Variants in ZNF532 observed in about 807,000 individuals in gnomAD.
The protein encoded by ZNF532 is zinc finger protein 532.
ZNF532 carries 22 observed loss-of-function variants against 89.3 expected under a neutral mutation model. That is an observed-to-expected ratio of 0.25 (90% confidence interval 0.18 to 0.35). ZNF532 has a LOEUF of 0.35. Among genes scored for constraint, ZNF532 ranks in the 10% least tolerant of loss-of-function variants. ZNF532 has a pLI of 1.00. For missense variants in ZNF532, 1,132 were observed against 1,643.4 expected, an observed-to-expected ratio of 0.69 and a Z score of 5.38; for synonymous variants, 606 against 649.6, an observed-to-expected ratio of 0.93 and a Z score of 1.02.
rs1002246817 is a variant in ZNF532 at position 58,978,194 on chromosome 18, C to G, written c.3151-861C>G. Among the ~76,000 whole-genome samples, 3 of 152,190 alleles carry G rather than the reference C, an allele frequency of 2.0e-5. 1 individual carries two copies. Among genetic ancestry groups the G allele is most frequent in the Non-Finnish European group, 4.4e-5 (3 of 68,030 alleles). ...GACAGTGTTTGCTGTCTCTCTCTCT[C>G]TCATCCCCTAAGTATACCAGCAGGC... On this transcript the variant is annotated intron_variant, in intron 7 of 9. Transcript: ENST00000591808.
chr18:58,946,291 GT>G (rs58395180), intron 5 of ZNF532, among the ~76,000 whole-genome samples: 50,372 of 116,244 alleles, frequency 0.43, 8,014 homozygotes, highest in African/African-American at 0.5. Flanking sequence ...TCTTCATATA[GT>G]TTTTTTTTTT....
chr18:58,883,433 T>G lies in ZNF532; in HGVS notation c.-18+17854T>G, dbSNP rs531002424. 7.2e-5 allele frequency among the ~76,000 whole-genome samples: 11 copies of G among 152,286 alleles called. 1 individual carries two copies. The South Asian group carries it at 2.3e-3, about 32-fold the overall frequency. ...AGGATGAGAACAGCTGTGATACCTGTGCAGGGAGCCTATTTGTCCACTCCC... is the reference window on the plus strand; with the variant it reads ...AGGATGAGAACAGCTGTGATACCTGGGCAGGGAGCCTATTTGTCCACTCCC... On this transcript the variant is annotated intron_variant, in intron 2 of 9. Coordinates refer to ENST00000591808, the MANE Select transcript of ZNF532 (RefSeq NM_001375912.1).
intron 5 of ZNF532, chr18:58,939,836 T>C: frequency 2.5e-6 from 1 of 393,852 alleles, no homozygotes; most frequent in Non-Finnish European, 4.5e-6. Context: ...CTATTATTTA[T>C]GCTCTTGTCA....
chr18:58,931,429 A>G (rs2061956884), intron 3 of ZNF532, among the ~76,000 whole-genome samples: 1 of 152,244 alleles, frequency 6.6e-6, no homozygotes, highest in African/African-American at 2.4e-5. Context: ...TCAAAGCATT[A>G]GAAAAGCTAA....
chr18:58,985,867 T>C lies in ZNF532; in HGVS notation c.*1401T>C, dbSNP rs1471093947. ...TGTTCGGTTCCTCAAAAGGTCTTGC[T>C]GCTGTCAGGTGTTATGCACTCCATC... On this transcript the variant is annotated 3_prime_UTR_variant, in exon 10 of 10. Coordinates refer to ENST00000591808, the MANE Select transcript of ZNF532 (RefSeq NM_001375912.1). The C allele has an allele frequency of 6.6e-6, 1 of 152,366 alleles. No homozygotes were observed. Among genetic ancestry groups the C allele is most frequent in the Non-Finnish European group, 1.5e-5 (1 of 68,004 alleles). The allele number at this position is 152,366 out of a possible 1,614,324, so 9.4% of individuals were successfully genotyped here.
intron 2 of ZNF532, among the ~76,000 whole-genome samples, chr18:58,870,293 C>G (rs1415291051): frequency 1.3e-5 from 2 of 152,056 alleles, no homozygotes; most frequent in African/African-American, 4.8e-5. Flanking sequence ...GGAGAAAAAT[C>G]TAGTGGAAGG....
At chr18:58,951,623 A>G (rs2064163358) in intron 6 of ZNF532, among the ~76,000 whole-genome samples, 1 of 143,190 alleles carries the variant, frequency 7.0e-6, no homozygotes. Context: ...TGGTTAGACA[A>G]TCACCTCAGC....
chr18:58,902,821 A>G (rs1474604739), intron 2 of ZNF532, among the ~76,000 whole-genome samples: 1 of 152,026 alleles, frequency 6.6e-6, no homozygotes, highest in Non-Finnish European at 1.5e-5. Context: ...GCCGATACCT[A>G]GAGTAGGACT....
At chr18:58,898,196 G>A (rs1483091132) in intron 2 of ZNF532, among the ~76,000 whole-genome samples, 1 of 152,128 alleles carries the variant, frequency 6.6e-6, no homozygotes, top group African/African-American at 2.4e-5. Flanking sequence ...GACTGTGTGT[G>A]GTCAGAGAGA....
At chr18:58,938,870 A>G (rs2062701792) in intron 4 of ZNF532, among the ~76,000 whole-genome samples, 1 of 152,240 alleles carries the variant, frequency 6.6e-6, no homozygotes, top group South Asian at 2.1e-4. Context: ...GAGATTTGAC[A>G]TCCATTCTTA....
Position 58,939,246 on chromosome 18 carries a change from C to CAAAAA in ZNF532, c.2529-174_2529-170dup, listed in dbSNP as rs71336307. 4.2e-3 allele frequency among the ~76,000 whole-genome samples: 144 copies of CAAAAA among 34,496 alleles called. 14 individuals carry two copies. Among genetic ancestry groups the CAAAAA allele is most frequent in the Non-Finnish European group, 4.9e-3 (77 of 15,864 alleles). The allele number at this position is 34,496 out of a possible 152,430, so 22.6% of individuals were successfully genotyped here. A position where few individuals can be genotyped will look rare whatever the true frequency, so the allele number is the denominator to read the frequency against. On this transcript the variant is annotated intron_variant, in intron 4 of 9. Coordinates refer to ENST00000591808, the MANE Select transcript of ZNF532 (RefSeq NM_001375912.1). ...TGGGCGACAGAGCGAGACGTTGTCT[C>CAAAAA]AAAAAAAAAAAAAAAAAAAAAAAAA...
chr18:58,870,095 AAGGATAAAATAGCTTT>A (rs1217843904), intron 2 of ZNF532, among the ~76,000 whole-genome samples: 11 of 115,466 alleles, frequency 9.5e-5, no homozygotes, highest in Non-Finnish European at 1.8e-4. Context: ...TTTTTTTTTT[AAGGATAAAATAGCTTT>A]CAGGATTGGG....
In ZNF532 at chr18:58,981,571, C is replaced by T. The variant is rs1424111366; in HGVS notation, c.3365C>T (p.Thr1122Ile). Reference protein sequence around the residue: ...GIKDPDLKEMTDATNEEETEI... With the variant: ...GIKDPDLKEMIDATNEEETEI... Reference sequence around the variant, plus strand: ...AAGGACCCTGACCTGAAAGAAATGACAGATGCCACCAATGAGGAGGAAACA... The same window carrying T: ...AAGGACCCTGACCTGAAAGAAATGATAGATGCCACCAATGAGGAGGAAACA... Residue 1122 changes from threonine to isoleucine, a missense_variant, in exon 9 of 10, where the codon ACA (threonine) becomes ATA (isoleucine). Thr to Ile is a moderately conservative substitution (Grantham distance 89). This residue lies in a region of ZNF532 where 415 missense variants were observed against 604.8 expected (regional missense o/e 0.69). Coordinates refer to ENST00000591808, the MANE Select transcript of ZNF532 (RefSeq NM_001375912.1). The T allele has an allele frequency of 6.2e-7, 1 of 1,614,174 alleles. No homozygotes were observed. Among genetic ancestry groups the T allele is most frequent in the East Asian group, 2.2e-5 (1 of 44,878 alleles).
At chr18:58,911,631 G>A (rs1241535469) in intron 2 of ZNF532, among the ~76,000 whole-genome samples, 1 of 152,192 alleles carries the variant, frequency 6.6e-6, no homozygotes, top group Admixed American at 6.5e-5. Flanking sequence ...AGGCTGCAGT[G>A]AGCTATGATC....
intron 2 of ZNF532, among the ~76,000 whole-genome samples, chr18:58,901,414 A>G (rs1463841418): frequency 6.6e-6 from 1 of 152,164 alleles, no homozygotes; most frequent in Non-Finnish European, 1.5e-5. Flanking sequence ...CTGTAGAGCC[A>G]TTGTGCAGAG....
chr18:58,934,596 C>T lies in ZNF532; in HGVS notation c.2510C>T (p.Thr837Met), dbSNP rs761753429. 17 of 1,613,602 alleles carry T rather than the reference C, an allele frequency of 1.1e-5. No homozygotes were observed. Among genetic ancestry groups the T allele is most frequent in the Middle Eastern group, 1.6e-4 (1 of 6,082 alleles). ...GTCACCAAGAACTGTCTGCACTACA[C>T]GAGGAGAGTTGGTTTTCGGTCAGTA... Reference protein sequence around the residue: ...THVTKNCLHYTRRVGFRCVHC... With the variant: ...THVTKNCLHYMRRVGFRCVHC... Residue 837 changes from threonine (T) to methionine (M), a missense_variant, in exon 4 of 10, where the codon ACG (threonine) becomes ATG (methionine). Coordinates refer to ENST00000591808, the MANE Select transcript of ZNF532 (RefSeq NM_001375912.1).
intron 7 of ZNF532, among the ~76,000 whole-genome samples, chr18:58,964,900 C>T (rs2065770305): frequency 6.6e-6 from 1 of 150,908 alleles, no homozygotes; most frequent in South Asian, 2.1e-4. Context: ...CGCCATCACA[C>T]CTGGCCTATA....
intron 5 of ZNF532, among the ~76,000 whole-genome samples, chr18:58,945,016 A>G (rs1348005724): frequency 6.6e-6 from 1 of 152,198 alleles, no homozygotes. Context: ...GTTGATTACA[A>G]TACCATCCAA....
chr18:58,870,674 A>C lies in ZNF532; in HGVS notation c.-18+5095A>C, dbSNP rs1231130542. Among the ~76,000 whole-genome samples the C allele has an allele frequency of 5.3e-5, 8 of 152,252 alleles. No individual in the cohort carries two copies. In the East Asian group the frequency reaches 1.3e-3, roughly 26 times the overall value. On this transcript the variant is annotated intron_variant, in intron 2 of 9. Transcript: ENST00000591808. ...TAGGGAGGCCAAAGAGGGAACCGGC[A>C]ATCCAGGAGAGAAAGGATGAGGGTC...
Sources: gnomAD v4.1 joint callset for allele counts (sites outside exome capture counted in the v4.1 genomes callset) on GRCh38, gnomAD v4.1.1 for gene constraint, gnomAD v4.1.1 regional missense constraint, MANE v1.5 for transcripts, NCBI Gene and HGNC (gene_info 2026-07-23, HGNC 2026-07-21) for gene names.